Variants in PTPN1 observed in about 807,000 individuals in gnomAD.
PTPN1 encodes protein tyrosine phosphatase non-receptor type 1.
A neutral mutation model predicts 59.9 loss-of-function variants in PTPN1; 12 were observed. That is an observed-to-expected ratio of 0.20 (90% CI 0.13 to 0.32). PTPN1 has a LOEUF of 0.32. Ranked by LOEUF, PTPN1 falls within the 10% of genes least tolerant of loss-of-function variation. PTPN1 has a pLI of 1.00. For synonymous variants in PTPN1, 178 were observed against 203.6 expected (o/e 0.87, Z 1.07); for missense variants, 356 against 549.2 (o/e 0.65, Z 3.52).
chr20:50,579,695 C>G lies in PTPN1; in HGVS notation c.865-8C>G, dbSNP rs2122804576. 6.2e-7 allele frequency: 1 copy of G among 1,608,974 alleles called. No homozygotes were observed. Among genetic ancestry groups the G allele is most frequent in the East Asian group, 2.2e-5 (1 of 44,864 alleles). ...ACTAATAGGACTTCCTCTTGCTGCTCTTTCAAGGATCAGTGGAAGGAGCTT... is the reference window on the plus strand; with the variant it reads ...ACTAATAGGACTTCCTCTTGCTGCTGTTTCAAGGATCAGTGGAAGGAGCTT... On this transcript the variant is annotated splice_region_variant and splice_polypyrimidine_tract_variant and intron_variant, in intron 7 of 9. Coordinates refer to ENST00000371621, the MANE Select transcript of PTPN1 (RefSeq NM_002827.4).
At chr20:50,544,555 G>GA (rs928423393) in intron 1 of PTPN1, among the ~76,000 whole-genome samples, 2 of 152,130 alleles carry the variant, frequency 1.3e-5, no homozygotes, top group African/African-American at 4.8e-5. Context: ...ATATGAATGA[G>GA]AAAAACACTA....
intron 1 of PTPN1, among the ~76,000 whole-genome samples, chr20:50,555,516 A>T (rs923397573): frequency 6.6e-6 from 1 of 152,194 alleles, no homozygotes; most frequent in Non-Finnish European, 1.5e-5. Context: ...CTCACTGAAC[A>T]CTTAAGTGGG....
intron 1 of PTPN1, 65 bp downstream of exon 1, chr20:50,510,655 T>A (rs866334178): frequency 1.3e-6 from 2 of 1,498,672 alleles, no homozygotes; most frequent in African/African-American, 1.4e-5. Context: ...CCCTCAGACC[T>A]CCAGGCCCCA....
chr20:50,559,982 G>A (rs1180198339), intron 1 of PTPN1, among the ~76,000 whole-genome samples: 1 of 151,924 alleles, frequency 6.6e-6, no homozygotes, highest in East Asian at 1.9e-4. Context: ...TGAGAACCTT[G>A]AGCAGGTGTA....
At chr20:50,520,456 T>TA (rs2082546295) in intron 1 of PTPN1, among the ~76,000 whole-genome samples, 1 of 152,008 alleles carries the variant, frequency 6.6e-6, no homozygotes, top group Non-Finnish European at 1.5e-5. Flanking sequence ...TTCATACAGG[T>TA]ATGAAATTCT....
intron 1 of PTPN1, among the ~76,000 whole-genome samples, chr20:50,516,385 C>A (rs1275893930): frequency 6.6e-6 from 1 of 152,054 alleles, no homozygotes; most frequent in Non-Finnish European, 1.5e-5. Flanking sequence ...CTGAGTGAGT[C>A]CCTTACTTTC....
chr20:50,536,264 T>C (rs1030095877), intron 1 of PTPN1, among the ~76,000 whole-genome samples: 29 of 152,190 alleles, frequency 1.9e-4, no homozygotes, highest in African/African-American at 6.0e-4. Context: ...GTGATAGCCA[T>C]CTGTATATTC....
chr20:50,547,041 T>TA (rs1303438550), intron 1 of PTPN1, among the ~76,000 whole-genome samples: 6 of 152,120 alleles, frequency 3.9e-5, no homozygotes, highest in Admixed American at 2.6e-4. Context: ...CTCAGCATTT[T>TA]AAAAAAAATA....
At chr20:50,565,813 T>C (rs1258358995) in intron 3 of PTPN1, among the ~76,000 whole-genome samples, 3 of 152,264 alleles carry the variant, frequency 2.0e-5, no homozygotes, top group South Asian at 2.1e-4. Flanking sequence ...TTCAGTCTTA[T>C]ATGGCTTTAG....
intron 1 of PTPN1, among the ~76,000 whole-genome samples, chr20:50,554,380 A>ATCTCTCTC (rs1555829975): frequency 1.1e-4 from 15 of 140,280 alleles, no homozygotes; most frequent in Admixed American, 5.7e-4. Context: ...GCAAGACCAC[A>ATCTCTCTC]TCTCTCTCTC....
chr20:50,541,682 C>T (rs2082653439), intron 1 of PTPN1, among the ~76,000 whole-genome samples: 1 of 152,194 alleles, frequency 6.6e-6, no homozygotes, highest in African/African-American at 2.4e-5. Context: ...CAGCAGGCTT[C>T]TGAGGTTGCT....
At chr20:50,533,986 A>C (rs1462422853) in intron 1 of PTPN1, among the ~76,000 whole-genome samples, 2 of 152,194 alleles carry the variant, frequency 1.3e-5, no homozygotes, top group Non-Finnish European at 2.9e-5. Flanking sequence ...GCTAAAGTGC[A>C]ATGGCGCGAT....
Position 50,561,748 on chromosome 20 carries a change from A to G in PTPN1, c.154+295A>G, listed in dbSNP as rs545359078. 3.3e-5 allele frequency among the ~76,000 whole-genome samples: 5 copies of G among 152,326 alleles called. No individual in the cohort carries two copies. In the East Asian group the frequency reaches 9.6e-4, roughly 29 times the overall value. On this transcript the variant is annotated intron_variant, in intron 2 of 9. Coordinates refer to ENST00000371621, the MANE Select transcript of PTPN1 (RefSeq NM_002827.4). ...ATTTTCCTACCAGCTGAAGCAGAGT[A>G]TAGCAGGCATAATAAAACCTTTTCT...
Position 50,584,386 on chromosome 20 carries a change from G to C in PTPN1, c.*1671G>C, listed in dbSNP as rs1209513784. On this transcript the variant is annotated 3_prime_UTR_variant, in exon 10 of 10. Transcript: ENST00000371621. ...GTATATATAGTAGCATTTCAAAATG[G>C]ACGTACTGGTTTAACCTCCTATCCT... 1 of 152,524 alleles carries C rather than the reference G, an allele frequency of 6.6e-6. No homozygotes were observed. The allele number at this position is 152,524 out of a possible 1,614,324, so 9.4% of individuals were successfully genotyped here.
intron 1 of PTPN1, among the ~76,000 whole-genome samples, chr20:50,546,042 G>C (rs528441384): frequency 1.3e-5 from 2 of 151,866 alleles, no homozygotes; most frequent in African/African-American, 4.8e-5. Flanking sequence ...GTCCTGTCTC[G>C]AAAAGAAAGA....
At chr20:50,522,981 G>T (rs1335232494) in intron 1 of PTPN1, among the ~76,000 whole-genome samples, 1 of 151,222 alleles carries the variant, frequency 6.6e-6, no homozygotes, top group African/African-American at 2.4e-5. Context: ...GGCCAGGCTG[G>T]TCTTGAACTC....
intron 3 of PTPN1, among the ~76,000 whole-genome samples, chr20:50,567,974 T>C (rs1164003441): frequency 5.9e-5 from 9 of 152,176 alleles, no homozygotes; most frequent in Non-Finnish European, 1.3e-4. Context: ...CACAAGATGA[T>C]GTGATTGGAA....
chr20:50,543,626 G>A (rs1203563834), intron 1 of PTPN1, among the ~76,000 whole-genome samples: 1 of 152,188 alleles, frequency 6.6e-6, no homozygotes, highest in Non-Finnish European at 1.5e-5. Context: ...CAAGCCAGAA[G>A]AAGCACCTAT....
chr20:50,534,948 T>TGAACTCCTTCCTTCAGGCG (rs2082617626), intron 1 of PTPN1, among the ~76,000 whole-genome samples: 4 of 151,126 alleles, frequency 2.6e-5, no homozygotes, highest in Admixed American at 2.6e-4. Context: ...AGGCTGGCCT[T>TGAACTCCTTCCTTCAGGCG]GAACTCCTGC....
Sources: gnomAD v4.1 joint callset for allele counts (sites outside exome capture counted in the v4.1 genomes callset) on GRCh38, gnomAD v4.1.1 for gene constraint, MANE v1.5 for transcripts, NCBI Gene and HGNC (gene_info 2026-07-23, HGNC 2026-07-21) for gene names.